Variants in FOCAD observed in about 807,000 individuals in gnomAD.
FOCAD encodes the protein KIAA1797.
FOCAD carries 198 observed loss-of-function variants against 225.6 expected under a neutral mutation model. That is an observed-to-expected ratio of 0.88 (90% confidence interval 0.78 to 0.99). FOCAD has a LOEUF of 0.99. Ranked by LOEUF, FOCAD falls within the 50% of genes least tolerant of loss-of-function variation. The pLI is 0.00. For missense variants in FOCAD, 2,713 were observed against 2,123.6 expected, an observed-to-expected ratio of 1.28 and a Z score of -5.46; for synonymous variants, 897 against 755.0, an observed-to-expected ratio of 1.19 and a Z score of -3.08.
At chr9:20,768,823 C>T (rs961883820) in intron 7 of FOCAD, among the ~76,000 whole-genome samples, 1 of 151,926 alleles carries the variant, frequency 6.6e-6, no homozygotes, top group East Asian at 1.9e-4. Flanking sequence ...CTCTTGTCAC[C>T]TCACATATTA....
At position 20,835,245 on chromosome 9, in the gene FOCAD, G is replaced by A. The variant is rs1467214851; in HGVS notation, c.1920+12130G>A. ...ATGTTTGGTGTTTGGTGTGCATTACGTCCTGTATTAAACTTCATAATAATC... is the reference window on the plus strand; with the variant it reads ...ATGTTTGGTGTTTGGTGTGCATTACATCCTGTATTAAACTTCATAATAATC... On this transcript the variant is annotated intron_variant, in intron 15 of 43. Transcript: ENST00000338382. Among the ~76,000 whole-genome samples, 8 of 152,028 alleles carry A rather than the reference G, an allele frequency of 5.3e-5. No homozygotes were observed. The East Asian group carries it at 1.6e-3, about 30-fold the overall frequency.
chr9:20,893,621 G>A (rs898113079), intron 21 of FOCAD, among the ~76,000 whole-genome samples: 1 of 152,070 alleles, frequency 6.6e-6, no homozygotes, highest in African/African-American at 2.4e-5. Context: ...AACTACATGA[G>A]AGTGAGTGAG....
intron 26 of FOCAD, chr9:20,929,014 G>A (rs1256460026): frequency 6.2e-6 from 1 of 161,754 alleles, no homozygotes; most frequent in Admixed American, 6.4e-5. Flanking sequence ...TTGTTTTTCT[G>A]TTTTTTTGTT....
intron 21 of FOCAD, among the ~76,000 whole-genome samples, chr9:20,903,780 A>G (rs1033397200): frequency 6.6e-6 from 1 of 151,956 alleles, no homozygotes; most frequent in East Asian, 1.9e-4. Flanking sequence ...TAAAGTGTGC[A>G]ATTCACTGGC....
In FOCAD at chr9:20,731,102, G is replaced by A. The variant is rs1015982930; in HGVS notation, c.288-9134G>A. Among the ~76,000 whole-genome samples, 6 of 152,142 alleles carry A rather than the reference G, an allele frequency of 3.9e-5. No homozygotes were observed. In the South Asian group the frequency reaches 6.2e-4, roughly 16 times the overall value. ...AATACAAAAAAAATTAGCTGGGCCT[G>A]TGGTGCGTGCCTGTAATCCCTCCTA... On this transcript the variant is annotated intron_variant, in intron 4 of 43. Transcript: ENST00000338382.
chr9:20,685,802 A>T (rs1396627155), intron 1 of FOCAD, among the ~76,000 whole-genome samples: 1 of 152,166 alleles, frequency 6.6e-6, no homozygotes, highest in Non-Finnish European at 1.5e-5. Context: ...AATTTACTGG[A>T]TTTTAACTGA....
intron 5 of FOCAD, among the ~76,000 whole-genome samples, chr9:20,741,627 A>T (rs79712519): frequency 6.6e-6 from 1 of 151,038 alleles, no homozygotes; most frequent in South Asian, 2.1e-4. Flanking sequence ...TGAAAATACT[A>T]TGAAAACTTG....
chr9:20,922,349 T>C (rs1054741230), intron 24 of FOCAD, among the ~76,000 whole-genome samples: 6 of 146,356 alleles, frequency 4.1e-5, no homozygotes, highest in African/African-American at 1.2e-4. Flanking sequence ...GGTGGGGGGG[T>C]GGTGGTGAAC....
intron 1 of FOCAD, among the ~76,000 whole-genome samples, chr9:20,697,483 C>G (rs985979061): frequency 6.6e-6 from 1 of 152,256 alleles, no homozygotes; most frequent in African/African-American, 2.4e-5. Context: ...AACTTGCTGA[C>G]TTGCACTAGC....
chr9:20,842,311 A>G (rs753104854), intron 15 of FOCAD, among the ~76,000 whole-genome samples: 2 of 151,788 alleles, frequency 1.3e-5, no homozygotes, highest in Non-Finnish European at 2.9e-5. Context: ...TTCTGTCTGG[A>G]TAATTGGTCT....
At chr9:20,938,518 G>T (rs1461940713) in intron 28 of FOCAD, among the ~76,000 whole-genome samples, 1 of 148,438 alleles carries the variant, frequency 6.7e-6, no homozygotes, top group Non-Finnish European at 1.5e-5. Flanking sequence ...TCATAGGTGG[G>T]AATTGAACAA....
intron 2 of FOCAD, among the ~76,000 whole-genome samples, chr9:20,670,717 T>A (rs1822039620): frequency 6.6e-6 from 1 of 152,066 alleles, no homozygotes; most frequent in Non-Finnish European, 1.5e-5. Context: ...AACCATATCA[T>A]CTGTATTTTA....
chr9:20,948,344 A>G lies in FOCAD; in HGVS notation c.3749A>G (p.Asp1250Gly), dbSNP rs1050043725. 1 of 1,612,784 alleles carries G rather than the reference A, an allele frequency of 6.2e-7. No homozygotes were observed. The highest frequency in any genetic ancestry group is 1.7e-4 in the Middle Eastern group (1 of 6,054). ...LSVCGHGKAE[D>G]LGSKLLPAWI... ...GTGTGTGGACATGGAAAAGCTGAAG[A>G]CTTGGGCAGCAAACTACTCCCTGCC... The change falls in exon 31 of 44, where the codon GAC (aspartate) becomes GGC (glycine). Residue 1250 changes from aspartate to glycine, a missense_variant. Transcript: ENST00000338382.
chr9:20,744,771 G>A (rs1563936591), intron 5 of FOCAD, among the ~76,000 whole-genome samples: 1 of 152,132 alleles, frequency 6.6e-6, no homozygotes, highest in African/African-American at 2.4e-5. Context: ...GTTGCCACAC[G>A]TTCAGATCTT....
At chr9:20,685,223 T>G (rs1242707602) in intron 1 of FOCAD, among the ~76,000 whole-genome samples, 1 of 151,146 alleles carries the variant, frequency 6.6e-6, no homozygotes, top group African/African-American at 2.5e-5. Context: ...TATTTTCAGG[T>G]TCTAGTATCC....
At chr9:20,695,967 T>C (rs768104752) in intron 1 of FOCAD, among the ~76,000 whole-genome samples, 4 of 152,270 alleles carry the variant, frequency 2.6e-5, no homozygotes, top group Non-Finnish European at 4.4e-5. Context: ...CCTTTTATCA[T>C]ATAGCTTTTT....
chr9:20,705,460 C>G (rs1222879088), intron 1 of FOCAD, among the ~76,000 whole-genome samples: 1 of 152,036 alleles, frequency 6.6e-6, no homozygotes, highest in Non-Finnish European at 1.5e-5. Context: ...GGAGAAAATA[C>G]AAGCAAAATA....
At chr9:20,910,282 A>G (rs1015888846) in intron 22 of FOCAD, among the ~76,000 whole-genome samples, 5 of 151,450 alleles carry the variant, frequency 3.3e-5, no homozygotes, top group Non-Finnish European at 2.9e-5. Flanking sequence ...TGTGGAGGTT[A>G]AGGTCTCCAG....
chr9:20,993,397 C>A, intron 43 of FOCAD, 69 bp downstream of exon 43: 1 of 1,303,478 alleles, frequency 7.7e-7, no homozygotes, highest in Non-Finnish European at 1.1e-6. Flanking sequence ...AGCAGAATGG[C>A]ATTCTAGTGG....
Sources: allele counts gnomAD v4.1 joint callset (sites outside exome capture counted in the v4.1 genomes callset), GRCh38; gene constraint gnomAD v4.1.1; transcripts MANE v1.5; gene names NCBI Gene and HGNC (gene_info 2026-07-23, HGNC 2026-07-21).